The following XRN1 variants were observed in gnomAD, a reference collection of about 807,000 sequenced individuals.
XRN1 encodes the protein strand-exchange protein 1 homolog.
Under a neutral mutation model 222.3 loss-of-function variants are expected in XRN1, and 67 were observed. The ratio of observed to expected loss-of-function variants is 0.30; its 90% CI spans 0.25 to 0.37. The LOEUF (loss-of-function observed/expected upper bound fraction) is 0.37. Among genes scored for constraint, XRN1 ranks in the 10% least tolerant of loss-of-function variants. XRN1 has a pLI of 1.00. For synonymous variants in XRN1, 643 were observed against 652.4 expected, an observed-to-expected ratio of 0.99 and a Z score of 0.22; for missense variants, 1,707 against 2,000.2, an observed-to-expected ratio of 0.85 and a Z score of 2.80.
chr3:142,420,569 G>A (rs967831798), intron 10 of XRN1, among the ~76,000 whole-genome samples: 1 of 151,770 alleles, frequency 6.6e-6, no homozygotes, highest in Admixed American at 6.6e-5. Context: ...ATGGGGTTTC[G>A]CCACGTTGGC....
At chr3:142,372,299 T>C (rs1289629493) in intron 25 of XRN1, among the ~76,000 whole-genome samples, 1 of 152,118 alleles carries the variant, frequency 6.6e-6, no homozygotes, top group South Asian at 2.1e-4. Flanking sequence ...ATAAATACTA[T>C]ACAATGTGTC....
intron 22 of XRN1, 66 bp from the exon 23 acceptor site, chr3:142,380,246 C>A: frequency 1.5e-6 from 2 of 1,344,472 alleles, no homozygotes. Flanking sequence ...CTTATTTGAA[C>A]ACTATTATTT....
chr3:142,421,604 C>T (rs928457182), intron 8 of XRN1, 61 bp from the exon 9 acceptor site: 13 of 1,231,640 alleles, frequency 1.1e-5, no homozygotes, highest in African/African-American at 3.0e-5. Context: ...AACAATTCTA[C>T]AAAACTCTTT....
intron 33 of XRN1, 36 bp from the exon 34 acceptor site, chr3:142,335,545 A>C (rs2065829109): frequency 3.9e-6 from 6 of 1,551,664 alleles, no homozygotes; most frequent in Non-Finnish European, 5.3e-6. Context: ...CATAAATGGA[A>C]GTGTTTACTG....
chr3:142,437,036 TTC>T (rs1211724810), intron 1 of XRN1, among the ~76,000 whole-genome samples: 3 of 152,116 alleles, frequency 2.0e-5, no homozygotes, highest in Non-Finnish European at 4.4e-5. Flanking sequence ...ATTTGAAAAA[TTC>T]TCTTAGGTTT....
At chr3:142,360,873 C>CAAAAA (rs71153960) in intron 29 of XRN1, among the ~76,000 whole-genome samples, 1 of 118,852 alleles carries the variant, frequency 8.4e-6, no homozygotes, top group Non-Finnish European at 1.7e-5. Flanking sequence ...GACTCCGTCT[C>CAAAAA]AAAAAAAAAA....
chr3:142,389,304 T>C (rs557347560), intron 20 of XRN1, among the ~76,000 whole-genome samples: 2 of 152,310 alleles, frequency 1.3e-5, no homozygotes, highest in South Asian at 4.1e-4. Context: ...GCTCCACTTC[T>C]AATTCTAGCT....
chr3:142,418,029 T>C (rs2068853900), intron 12 of XRN1: 1 of 154,090 alleles, frequency 6.5e-6, no homozygotes, highest in Admixed American at 6.5e-5. Context: ...GAGAGCATAC[T>C]GTATGTATGA....
In XRN1 at chr3:142,400,911, C is replaced by T. The variant is rs184044879; in HGVS notation, c.2104-364G>A. ...CAGCCTAGGCAACAGAGCAAGACTCCGTCTCAAAAATAAATAAATAAATAA... is the reference window on the plus strand; with the variant it reads ...CAGCCTAGGCAACAGAGCAAGACTCTGTCTCAAAAATAAATAAATAAATAA... On this transcript the variant is annotated intron_variant, in intron 18 of 40. Coordinates refer to ENST00000392981, the MANE Select transcript of XRN1 (RefSeq NM_001282857.2). 1.0e-3 allele frequency among the ~76,000 whole-genome samples: 157 copies of T among 151,386 alleles called. 1 individual carries two copies. The highest frequency in any genetic ancestry group is 3.5e-3 in the African/African-American group (145 of 40,870).
intron 27 of XRN1, among the ~76,000 whole-genome samples, chr3:142,370,281 AC>A (rs1363194657): frequency 1.3e-5 from 2 of 152,234 alleles, no homozygotes; most frequent in Non-Finnish European, 2.9e-5. Context: ...TTAGTGCTAT[AC>A]AATATAAATT....
chr3:142,376,880 T>C (rs1453057560), intron 23 of XRN1, among the ~76,000 whole-genome samples: 1 of 152,132 alleles, frequency 6.6e-6, no homozygotes, highest in Non-Finnish European at 1.5e-5. Context: ...TAAACTCTAC[T>C]GTAAGTACTA....
intron 27 of XRN1, among the ~76,000 whole-genome samples, chr3:142,365,910 A>G (rs942041473): frequency 6.6e-6 from 1 of 152,220 alleles, no homozygotes; most frequent in African/African-American, 2.4e-5. Context: ...GTACTGACCT[A>G]TGACAATACC....
chr3:142,419,030 G>A (rs1461836764), intron 10 of XRN1, 149 bp from the exon 11 acceptor site: 5 of 718,812 alleles, frequency 7.0e-6, no homozygotes, highest in African/African-American at 1.8e-5. Context: ...CCTCCCTTGT[G>A]ATCTCAATCC....
intron 37 of XRN1, among the ~76,000 whole-genome samples, chr3:142,322,081 A>T (rs1414929766): frequency 6.6e-6 from 1 of 152,188 alleles, no homozygotes; most frequent in Admixed American, 6.6e-5. Flanking sequence ...TTTAGGTTAG[A>T]GGGTATCAAG....
At chr3:142,339,383 C>T (rs909860762) in intron 33 of XRN1, among the ~76,000 whole-genome samples, 17 of 152,042 alleles carry the variant, frequency 1.1e-4, no homozygotes, top group African/African-American at 4.1e-4. Context: ...TAGGTGTGCT[C>T]CTTAATGCAG....
intron 2 of XRN1, among the ~76,000 whole-genome samples, chr3:142,430,258 A>G (rs1016667510): frequency 6.6e-6 from 1 of 152,150 alleles, no homozygotes; most frequent in East Asian, 1.9e-4. Flanking sequence ...TAAACACCCA[A>G]TTCCCTGAAT....
chr3:142,359,814 C>T lies in XRN1; in HGVS notation c.3464+48G>A, dbSNP rs530976052. ...ATAAAAAGTAATGTAAAGTCACTGG[C>T]CACATGAACATATTCACAAAGGGCA... On this transcript the variant is annotated intron_variant, in intron 30 of 40. Transcript: ENST00000392981. 1.6e-4 allele frequency: 222 copies of T among 1,376,208 alleles called. 1 individual carries two copies. In the South Asian group the frequency reaches 2.6e-3, roughly 16 times the overall value. The allele number at this position is 1,376,208 out of a possible 1,614,324, so 85.2% of individuals were successfully genotyped here. A position where few individuals can be genotyped will look rare whatever the true frequency, so the allele number is the denominator to read the frequency against.
rs181896557 is a variant in XRN1 at position 142,338,718 on chromosome 3, C to A, written c.3878-3209G>T. On this transcript the variant is annotated intron_variant, in intron 33 of 40. Coordinates refer to ENST00000392981, the MANE Select transcript of XRN1 (RefSeq NM_001282857.2). Reference sequence around the variant, plus strand: ...TAGATGTGCCTTGGGCCAGAGGGAACCCCACTGCCCTGAAGGGTGAGTCCC... The same window carrying A: ...TAGATGTGCCTTGGGCCAGAGGGAAACCCACTGCCCTGAAGGGTGAGTCCC... Among the ~76,000 whole-genome samples the A allele has an allele frequency of 1.5e-4, 23 of 152,142 alleles. No individual in the cohort carries two copies. In the East Asian group the frequency reaches 3.3e-3, roughly 22 times the overall value.
At chr3:142,364,268 G>A (rs1432461702) in intron 29 of XRN1, among the ~76,000 whole-genome samples, 1 of 152,182 alleles carries the variant, frequency 6.6e-6, no homozygotes, top group Non-Finnish European at 1.5e-5. Flanking sequence ...CGGTGCCTGG[G>A]ATATATATAG....
Sources: gnomAD v4.1 joint callset for allele counts (sites outside exome capture counted in the v4.1 genomes callset) on GRCh38, gnomAD v4.1.1 for gene constraint, MANE v1.5 for transcripts, NCBI Gene and HGNC (gene_info 2026-07-23, HGNC 2026-07-21) for gene names.